RBFOX3: variants seen among roughly 807,000 people sequenced by gnomAD.
RBFOX3 encodes RNA binding fox-1 homolog 3.
Under a neutral mutation model 48.7 loss-of-function variants are expected in RBFOX3, and 17 were observed. The ratio of observed to expected loss-of-function variants is 0.35; its 90% CI spans 0.24 to 0.52. The LOEUF is 0.52. RBFOX3 is among the 20% of genes least tolerant of loss of function. RBFOX3 has a pLI of 0.94. For missense variants in RBFOX3, 382 were observed against 497.5 expected (o/e 0.77, Z 2.21); for synonymous variants, 212 against 209.5 (o/e 1.01, Z -0.10).
At chr17:79,578,143 T>C (rs940268117) in intron 1 of RBFOX3, among the ~76,000 whole-genome samples, 11,816 of 152,238 alleles carry the variant, frequency 0.078, 860 homozygotes, top group African/African-American at 0.18. Flanking sequence ...GTGGCCCAAA[T>C]TTGTCCAACA....
At chr17:79,189,815 T>A (rs2054107256) in intron 4 of RBFOX3, among the ~76,000 whole-genome samples, 1 of 151,944 alleles carries the variant, frequency 6.6e-6, no homozygotes, top group Non-Finnish European at 1.5e-5. Context: ...GAAAAGAGAG[T>A]CCTGAATGGC....
rs1016637516 is a variant in RBFOX3 at position 79,520,083 on chromosome 17, G to A, written c.-319-37485C>T. Among the ~76,000 whole-genome samples the A allele has an allele frequency of 1.8e-4, 28 of 152,328 alleles. No homozygotes were observed. The South Asian group carries it at 5.4e-3, about 29-fold the overall frequency. Reference sequence around the variant, plus strand: ...TCTCCCCTGTGCAGTCGAGGACACCGAGGCCCAGGCTTGAGTGAATTGCCC... The same window carrying A: ...TCTCCCCTGTGCAGTCGAGGACACCAAGGCCCAGGCTTGAGTGAATTGCCC... On this transcript the variant is annotated intron_variant, in intron 1 of 14. Transcript: ENST00000693108.
chr17:79,418,756 GGA>G lies in RBFOX3; in HGVS notation c.-175+63696_-175+63697del, dbSNP rs1555720464. Among the ~76,000 whole-genome samples, 4 of 152,002 alleles carry G rather than the reference GGA, an allele frequency of 2.6e-5. No individual in the cohort carries two copies. The highest frequency in any genetic ancestry group is 5.9e-5 in the Non-Finnish European group (4 of 67,994). On this transcript the variant is annotated intron_variant, in intron 2 of 14. Transcript: ENST00000693108. The surrounding 1 kb of genome is among the most constrained non-coding windows in gnomAD (Gnocchi z 5.0). ...ACTTGCTGCTTGAGAAGGAGGTTTGGGAGAGGAATTCCTTCCCAAAAAGTGAG... is the reference window on the plus strand; with the variant it reads ...ACTTGCTGCTTGAGAAGGAGGTTTGGGAGGAATTCCTTCCCAAAAAGTGAG...
chr17:79,134,556 C>T (rs1039467754), intron 4 of RBFOX3, among the ~76,000 whole-genome samples: 8 of 152,212 alleles, frequency 5.3e-5, no homozygotes, highest in African/African-American at 1.9e-4. Context: ...TGAGACTCTG[C>T]TCCTCAAAGT....
rs947763910 is a variant in RBFOX3 at position 79,392,569 on chromosome 17, G to A, written c.-174-84745C>T. Among the ~76,000 whole-genome samples, 2 of 152,158 alleles carry A rather than the reference G, an allele frequency of 1.3e-5. No individual in the cohort carries two copies. Among genetic ancestry groups the A allele is most frequent in the African/African-American group, 2.4e-5 (1 of 41,426 alleles). ...ACCCACTTAAGTTAGGCACCATCCC[G>A]TGACTTGCTTTGCCCAACAAAATGG... On this transcript the variant is annotated intron_variant, in intron 2 of 14. Transcript: ENST00000693108. The surrounding 1 kb of genome is among the most constrained non-coding windows in gnomAD (Gnocchi z 5.0).
intron 2 of RBFOX3, among the ~76,000 whole-genome samples, chr17:79,400,825 G>T (rs1041712201): frequency 6.6e-6 from 1 of 152,132 alleles, no homozygotes; most frequent in Non-Finnish European, 1.5e-5. Context: ...CATCAGTCAG[G>T]CCACCTCCGA....
chr17:79,579,476 G>A (rs1188374009), intron 1 of RBFOX3, among the ~76,000 whole-genome samples: 2 of 152,186 alleles, frequency 1.3e-5, no homozygotes, highest in Non-Finnish European at 2.9e-5. Context: ...TCCACAAAAC[G>A]TGGCCCTGGG....
chr17:79,535,263 C>T lies in RBFOX3; in HGVS notation c.-319-52665G>A, dbSNP rs1185707763. ...CCAAGGCCCCTCTCCAAGGGCTGTT[C>T]ACAGAGGCTGACTCCCGTCCTCCCT... On this transcript the variant is annotated intron_variant, in intron 1 of 14. Transcript: ENST00000693108. This position sits in a 1 kb window ranked among gnomAD's most constrained non-coding sequence, Gnocchi z 4.5. 6.6e-6 allele frequency among the ~76,000 whole-genome samples: 1 copy of T among 152,194 alleles called. No homozygotes were observed. Among genetic ancestry groups the T allele is most frequent in the African/African-American group, 2.4e-5 (1 of 41,456 alleles).
chr17:79,259,462 T>C (rs946533818), intron 3 of RBFOX3, among the ~76,000 whole-genome samples: 2 of 152,170 alleles, frequency 1.3e-5, no homozygotes, highest in Non-Finnish European at 1.5e-5. Flanking sequence ...GATGGGGTCA[T>C]CGCCAGAGAA....
chr17:79,370,069 T>C (rs1237152160), intron 2 of RBFOX3, among the ~76,000 whole-genome samples: 1 of 152,204 alleles, frequency 6.6e-6, no homozygotes, highest in Non-Finnish European at 1.5e-5. Context: ...CCTCGCTGGC[T>C]TCCAGCCCTT....
chr17:79,173,615 C>T (rs1479253756), intron 4 of RBFOX3, among the ~76,000 whole-genome samples: 2 of 152,140 alleles, frequency 1.3e-5, no homozygotes, highest in Admixed American at 1.3e-4. Context: ...TTGGCAGTGA[C>T]GGCACGGCAC....
At chr17:79,374,829 G>A (rs1484299128) in intron 2 of RBFOX3, among the ~76,000 whole-genome samples, 1 of 152,220 alleles carries the variant, frequency 6.6e-6, no homozygotes, top group African/African-American at 2.4e-5. Flanking sequence ...CTCCCCCAGT[G>A]CATTTAAAAT....
intron 4 of RBFOX3, among the ~76,000 whole-genome samples, chr17:79,213,795 T>C (rs1164839686): frequency 6.6e-6 from 1 of 152,188 alleles, no homozygotes. Context: ...GGAACATTTG[T>C]ACCCCAAGGA....
At chr17:79,327,266 C>T (rs1402126058) in intron 2 of RBFOX3, among the ~76,000 whole-genome samples, 1 of 152,210 alleles carries the variant, frequency 6.6e-6, no homozygotes, top group Non-Finnish European at 1.5e-5. Flanking sequence ...TGATCACACC[C>T]TTGAGGGTCT....
At chr17:79,326,713 T>C (rs1475745173) in intron 2 of RBFOX3, among the ~76,000 whole-genome samples, 1 of 152,122 alleles carries the variant, frequency 6.6e-6, no homozygotes, top group East Asian at 1.9e-4. Context: ...ACTCCCGACA[T>C]GTCTCCTCTG....
At chr17:79,446,384 G>A (rs2072298215) in intron 2 of RBFOX3, among the ~76,000 whole-genome samples, 1 of 152,212 alleles carries the variant, frequency 6.6e-6, no homozygotes, top group African/African-American at 2.4e-5. Flanking sequence ...GGAGAGGAAT[G>A]ATTGTGGTCA....
Position 79,443,279 on chromosome 17 carries a change from G to A in RBFOX3, c.-175+39175C>T, listed in dbSNP as rs537825792. On this transcript the variant is annotated intron_variant, in intron 2 of 14. Transcript: ENST00000693108. The surrounding 1 kb of genome is among the most constrained non-coding windows in gnomAD (Gnocchi z 4.4). ...TGTGTGTCACCAGGCCTCTGCCACC[G>A]GCCTCGCCACGGGGGAGACCAGGCC... Among the ~76,000 whole-genome samples the A allele has an allele frequency of 2.8e-4, 43 of 152,344 alleles. No homozygotes were observed. In the South Asian group the frequency reaches 5.6e-3, roughly 20 times the overall value.
intron 3 of RBFOX3, among the ~76,000 whole-genome samples, chr17:79,251,672 C>T (rs1375686682): frequency 2.0e-5 from 3 of 152,214 alleles, no homozygotes; most frequent in Non-Finnish European, 4.4e-5. Context: ...AGAAACCCTA[C>T]AGCTCCCACA....
chr17:79,257,849 G>A (rs989083978), intron 3 of RBFOX3, among the ~76,000 whole-genome samples: 4 of 152,152 alleles, frequency 2.6e-5, no homozygotes, highest in Non-Finnish European at 5.9e-5. Flanking sequence ...CCAAAGTGCT[G>A]GGATTACAGG....
Sources: allele counts gnomAD v4.1 joint callset (sites outside exome capture counted in the v4.1 genomes callset), GRCh38; gene constraint gnomAD v4.1.1; non-coding constraint Gnocchi (gnomAD v3.1); transcripts MANE v1.5; gene names NCBI Gene and HGNC (gene_info 2026-07-23, HGNC 2026-07-21).